Variants in ATG5 observed in about 807,000 individuals in gnomAD.
The protein encoded by ATG5 is autophagy related 5, also known as autophagy protein 5.
A neutral mutation model predicts 36.5 loss-of-function variants in ATG5; 14 were observed. The ratio of observed to expected loss-of-function variants is 0.38; its 90% CI spans 0.25 to 0.60. The LOEUF (loss-of-function observed/expected upper bound fraction) is 0.60. Ranked by LOEUF, ATG5 falls within the 20% of genes least tolerant of loss-of-function variation. The probability of loss-of-function intolerance (pLI) is 0.60; values close to 1 mark genes in which losing one functional copy is unlikely to be tolerated. For synonymous variants in ATG5, 95 were observed against 101.5 expected, an observed-to-expected ratio of 0.94 and a Z score of 0.38; for missense variants, 195 against 326.7, an observed-to-expected ratio of 0.60 and a Z score of 3.11.
At chr6:106,201,189 T>A (rs1056335916) in intron 7 of ATG5, among the ~76,000 whole-genome samples, 1 of 152,182 alleles carries the variant, frequency 6.6e-6, no homozygotes, top group African/African-American at 2.4e-5. Flanking sequence ...TTTTATCTGC[T>A]GTGGGCATGA....
chr6:106,300,950 C>T (rs1375120107), intron 3 of ATG5, among the ~76,000 whole-genome samples: 17 of 152,166 alleles, frequency 1.1e-4, no homozygotes, highest in Admixed American at 9.2e-4. Flanking sequence ...AAATGAGAAG[C>T]TTGTTCTAAA....
At chr6:106,218,054 T>A (rs977157492) in intron 6 of ATG5, among the ~76,000 whole-genome samples, 1 of 152,190 alleles carries the variant, frequency 6.6e-6, no homozygotes, top group Non-Finnish European at 1.5e-5. Context: ...TCTTGTATAA[T>A]TTAGGTGACA....
Position 106,318,628 on chromosome 6 carries a change from C to T in ATG5, c.-58-2362G>A, listed in dbSNP as rs1030542150. On this transcript the variant is annotated intron_variant, in intron 1 of 7. Transcript: ENST00000369076. The stretch of plus-strand genomic sequence containing the variant: ...GCTTACATGTATATTTTTTGCAAGA[C>T]CTCAAGGGAAGAACTAACTCAGCCA... 3.3e-5 allele frequency among the ~76,000 whole-genome samples: 5 copies of T among 152,058 alleles called. No homozygotes were observed. The East Asian group carries it at 9.6e-4, about 29-fold the overall frequency.
chr6:106,289,491 G>A (rs1322086452), intron 4 of ATG5, among the ~76,000 whole-genome samples: 1 of 151,936 alleles, frequency 6.6e-6, no homozygotes, highest in East Asian at 1.9e-4. Context: ...CTGATAGCTT[G>A]AACAAACTCT....
At chr6:106,297,378 T>G (rs1416175944) in intron 3 of ATG5, among the ~76,000 whole-genome samples, 1 of 152,154 alleles carries the variant, frequency 6.6e-6, no homozygotes, top group Non-Finnish European at 1.5e-5. Flanking sequence ...CTCAGTCTAA[T>G]TGGTGTTGAT....
At chr6:106,284,699 G>A (rs1232814899) in intron 4 of ATG5, among the ~76,000 whole-genome samples, 2 of 151,640 alleles carry the variant, frequency 1.3e-5, no homozygotes, top group African/African-American at 4.8e-5. Context: ...AGGGCGTGAA[G>A]GGGTAACTCG....
At chr6:106,197,331 G>A (rs1164979338) in intron 7 of ATG5, among the ~76,000 whole-genome samples, 1 of 151,964 alleles carries the variant, frequency 6.6e-6, no homozygotes, top group East Asian at 1.9e-4. Flanking sequence ...GACCAGCCTG[G>A]GCAACACAGT....
intron 7 of ATG5, among the ~76,000 whole-genome samples, chr6:106,196,786 A>C (rs1448880398): frequency 6.6e-6 from 1 of 151,254 alleles, no homozygotes; most frequent in Admixed American, 6.6e-5. Flanking sequence ...AGTAAAATAC[A>C]GTATTAACAC....
intron 7 of ATG5, among the ~76,000 whole-genome samples, chr6:106,189,987 A>G (rs1217819339): frequency 6.6e-6 from 1 of 152,208 alleles, no homozygotes; most frequent in Non-Finnish European, 1.5e-5. Context: ...CTTACAGTGT[A>G]CCATTTCTAA....
Position 106,279,789 on chromosome 6 carries a change from G to A in ATG5, c.350C>T (p.Ser117Phe), listed in dbSNP as rs867656702. ...FPEKDLLHCP[S>F]KDAIEAHFMS... is the part of the protein sequence containing the mutation. ...AAAATGAGCTTCAATTGCATCCTTA[G>A]ATGGACAGTGCAGAAGGTCTTTTTC... The change falls in exon 5 of 8, where the codon TCT becomes TTT. Residue 117 changes from serine (S) to phenylalanine (F), a missense_variant. Ser to Phe is a radical substitution (Grantham distance 155, BLOSUM62 -2). Transcript: ENST00000369076. 1 of 1,600,884 alleles carries A rather than the reference G, an allele frequency of 6.2e-7. No individual in the cohort carries two copies. Among genetic ancestry groups the A allele is most frequent in the Non-Finnish European group, 8.5e-7 (1 of 1,173,406 alleles).
chr6:106,269,647 G>T lies in ATG5; in HGVS notation c.478+10014C>A, dbSNP rs1021187047. 3.3e-5 allele frequency among the ~76,000 whole-genome samples: 5 copies of T among 152,358 alleles called. No individual in the cohort carries two copies. In the East Asian group the frequency reaches 9.6e-4, roughly 29 times the overall value. ...TACACCCTCCGCAGCCGCTGGCCCG[G>T]GTGCTAAGCCCCTCATTGCCCGGGG... On this transcript the variant is annotated intron_variant, in intron 5 of 7. Coordinates refer to ENST00000369076, the MANE Select transcript of ATG5 (RefSeq NM_004849.4).
chr6:106,259,462 C>G (rs1163421838), intron 5 of ATG5, among the ~76,000 whole-genome samples: 2 of 152,150 alleles, frequency 1.3e-5, no homozygotes, highest in African/African-American at 4.8e-5. Context: ...TTGCATTACT[C>G]TACTGAGTAC....
intron 6 of ATG5, among the ~76,000 whole-genome samples, chr6:106,206,264 G>A: frequency 6.6e-6 from 1 of 151,910 alleles, no homozygotes; most frequent in Non-Finnish European, 1.5e-5. Context: ...TGGGGGGGTG[G>A]GGGTGGGGGC....
Position 106,184,717 on chromosome 6 carries a change from C to T in ATG5, c.*1823G>A, listed in dbSNP as rs1250829570. The stretch of plus-strand genomic sequence containing the variant: ...ATCTAGATCAGAAGTTCACTCAAGC[C>T]TACTGCAAAGGCCTGACACTGGTTT... On this transcript the variant is annotated 3_prime_UTR_variant, in exon 8 of 8. Coordinates refer to ENST00000369076, the MANE Select transcript of ATG5 (RefSeq NM_004849.4). 1 of 152,218 alleles carries T rather than the reference C, an allele frequency of 6.6e-6. No homozygotes were observed. Among genetic ancestry groups the T allele is most frequent in the Non-Finnish European group, 1.5e-5 (1 of 67,980 alleles). 9.4% of individuals were successfully genotyped at this position (152,218 alleles called of 1,614,324 possible). A position where few individuals can be genotyped will look rare whatever the true frequency, so the allele number is the denominator to read the frequency against.
chr6:106,264,825 C>T (rs892545923), intron 5 of ATG5, among the ~76,000 whole-genome samples: 1 of 152,088 alleles, frequency 6.6e-6, no homozygotes, highest in African/African-American at 2.4e-5. Flanking sequence ...GCCTGCCCTA[C>T]AAGAGCTCCT....
intron 6 of ATG5, among the ~76,000 whole-genome samples, chr6:106,236,342 T>C (rs1206680561): frequency 1.3e-5 from 2 of 152,204 alleles, no homozygotes; most frequent in Non-Finnish European, 2.9e-5. Context: ...TTTTCTTGAG[T>C]GGAGCTGTTA....
rs904393399 is a variant in ATG5 at position 106,184,501 on chromosome 6, A to G, written c.*2039T>C. On this transcript the variant is annotated 3_prime_UTR_variant, in exon 8 of 8. Transcript: ENST00000369076. ...TTTATTTAATTTTTTAATAAACCAT[A>G]AAATTTAAATATTCAAATGAAAAGA... 4.6e-5 allele frequency: 7 copies of G among 152,174 alleles called. No homozygotes were observed. Among genetic ancestry groups the G allele is most frequent in the African/African-American group, 1.7e-4 (7 of 41,442 alleles). The allele number at this position is 152,174 out of a possible 1,614,324, so 9.4% of individuals were successfully genotyped here.
At chr6:106,231,266 T>G (rs1259626154) in intron 6 of ATG5, among the ~76,000 whole-genome samples, 2 of 152,224 alleles carry the variant, frequency 1.3e-5, no homozygotes, top group Non-Finnish European at 2.9e-5. Context: ...TCCTTTGATC[T>G]GATATGGAGA....
intron 6 of ATG5, among the ~76,000 whole-genome samples, chr6:106,242,138 TCA>T (rs57802675): frequency 0.21 from 31,805 of 150,488 alleles, 3,700 homozygotes; most frequent in Admixed American, 0.35. Context: ...ACACACATAC[TCA>T]CACACACACA....
Sources: gnomAD v4.1 joint callset for allele counts (sites outside exome capture counted in the v4.1 genomes callset) on GRCh38, gnomAD v4.1.1 for gene constraint, MANE v1.5 for transcripts, NCBI Gene and HGNC (gene_info 2026-07-23, HGNC 2026-07-21) for gene names.